The following SLC25A3 variants were observed in gnomAD, a reference collection of about 807,000 sequenced individuals.
SLC25A3 encodes solute carrier family 25 member 3.
Under a neutral mutation model 37.1 loss-of-function variants are expected in SLC25A3, and 14 were observed. That is an observed-to-expected ratio of 0.38 (90% CI 0.25 to 0.59). SLC25A3 has a LOEUF of 0.59. Among genes scored for constraint, SLC25A3 ranks in the 20% least tolerant of loss-of-function variants. SLC25A3 has a pLI of 0.67. For synonymous variants in SLC25A3, 161 were observed against 168.7 expected (o/e 0.95, Z 0.36); for missense variants, 385 against 458.1 (o/e 0.84, Z 1.46).
chr12:98,601,531 A>AGT lies in SLC25A3; in HGVS notation c.*4_*5insTG. The AGT allele has an allele frequency of 1.9e-6, 3 of 1,583,734 alleles. No homozygotes were observed. The highest frequency in any genetic ancestry group is 2.6e-6 in the Non-Finnish European group (3 of 1,152,266). ...AGAAGCTTGGGTTAACTCAGTAGTTAGATCAAAGCAAATGTGGACTGAATC... is the reference window on the plus strand; with the variant it reads ...AGAAGCTTGGGTTAACTCAGTAGTTAGTGATCAAAGCAAATGTGGACTGAATC... On this transcript the variant is annotated 3_prime_UTR_variant, in exon 8 of 8. Coordinates refer to ENST00000552981, the MANE Select transcript of SLC25A3 (RefSeq NM_002635.4).
chr12:98,597,766 T>C, intron 3 of SLC25A3, 90 bp from the exon 4 acceptor site: 1 of 1,543,928 alleles, frequency 6.5e-7, no homozygotes, highest in Non-Finnish European at 8.8e-7. Flanking sequence ...TGAAATTTAT[T>C]ATGGAACCCA....
In SLC25A3 at chr12:98,606,229, T is replaced by C. The variant is rs1404496676; in HGVS notation, c.*4701T>C. The C allele has an allele frequency of 2.6e-5, 4 of 152,206 alleles. No individual in the cohort carries two copies. Among genetic ancestry groups the C allele is most frequent in the Non-Finnish European group, 5.9e-5 (4 of 68,040 alleles). The allele number at this position is 152,206 out of a possible 1,614,324, so 9.4% of individuals were successfully genotyped here. ...ATCACATAGTTGAGAAACAAAGTTA[T>C]TTTAAACTTACAGGACTCTGTAGTT... is the stretch of plus-strand genomic sequence containing the variant. On this transcript the variant is annotated 3_prime_UTR_variant, in exon 8 of 8. Coordinates refer to ENST00000552981, the MANE Select transcript of SLC25A3 (RefSeq NM_002635.4).
In SLC25A3 at chr12:98,595,744, G is replaced by T; in HGVS notation, c.175G>T (p.Gly59Cys). The stretch of plus-strand genomic sequence containing the variant: ...TACTACAGAGTACAGTTGTGAATTT[G>T]GCTCCGCGAAGTATTATGCACTGTG... ...AAVEEYSCEF[G>C]SAKYYALCGF... The change falls in exon 3 of 8, where the codon GGC (glycine) becomes TGC (cysteine). Residue 59 changes from glycine (G) to cysteine (C), a missense_variant. Gly to Cys is a radical substitution (Grantham distance 159, BLOSUM62 -3). Coordinates refer to ENST00000552981, the MANE Select transcript of SLC25A3 (RefSeq NM_002635.4). 1 of 1,614,096 alleles carries T rather than the reference G, an allele frequency of 6.2e-7. No individual in the cohort carries two copies. The highest frequency in any genetic ancestry group is 2.2e-5 in the East Asian group (1 of 44,886).
rs566119482 is a variant in SLC25A3, at chr12:98,593,862, C to G, written c.-4-113C>G. ...AGCCTCTTTCGAAGGCCGCCGTGAC[C>G]TCTTCAAGGGCGTGGAGACGGGAAG... On this transcript the variant is annotated intron_variant, in intron 1 of 7. Transcript: ENST00000552981. 1.0e-4 allele frequency: 124 copies of G among 1,241,064 alleles called. 3 individuals carry two copies. In the South Asian group the frequency reaches 1.5e-3, roughly 15 times the overall value. The allele number at this position is 1,241,064 out of a possible 1,614,324, so 76.9% of individuals were successfully genotyped here.
At chr12:98,599,871 G>A (rs748332641) in intron 5 of SLC25A3, 84 bp from the exon 6 acceptor site, 29 of 1,430,744 alleles carry the variant, frequency 2.0e-5, no homozygotes, top group South Asian at 3.4e-5. Flanking sequence ...GACTCGACTC[G>A]TGTGCGGACA....
At position 98,597,898 on chromosome 12, in the gene SLC25A3, G is replaced by T; in HGVS notation, c.322G>T (p.Val108Phe). The T allele has an allele frequency of 6.2e-7, 1 of 1,614,050 alleles. No individual in the cohort carries two copies. The highest frequency in any genetic ancestry group is 8.5e-7 in the Non-Finnish European group (1 of 1,180,020). ...CAAGGGCATATTTAACGGATTCTCAGTTACACTTAAAGAGGATGGTGTTCG... is the reference window on the plus strand; with the variant it reads ...CAAGGGCATATTTAACGGATTCTCATTTACACTTAAAGAGGATGGTGTTCG... ...KYKGIFNGFSVTLKEDGVRGL... is the reference protein window; with the variant it reads ...KYKGIFNGFSFTLKEDGVRGL... Residue 108 changes from valine to phenylalanine, a missense_variant, in exon 4 of 8, where the codon GTT becomes TTT. By Grantham distance (50) the Val-to-Phe change is conservative. Transcript: ENST00000552981.
At chr12:98,594,967 A>G (rs1401033136) in intron 2 of SLC25A3, 1 of 195,352 alleles carries the variant, frequency 5.1e-6, no homozygotes, top group Non-Finnish European at 1.1e-5. Flanking sequence ...TTATTTGTGT[A>G]TTAAATGTAT....
intron 3 of SLC25A3, chr12:98,597,416 C>CTT (rs1160705083): frequency 8.5e-5 from 13 of 152,228 alleles, no homozygotes; most frequent in Non-Finnish European, 8.6e-5. Flanking sequence ...TACTGTATTT[C>CTT]TTTTTTTTTT....
rs754233261 is a variant in SLC25A3, at chr12:98,605,273, G to A, written c.*3745G>A. 6.6e-6 allele frequency: 1 copy of A among 152,090 alleles called. No individual in the cohort carries two copies. Among genetic ancestry groups the A allele is most frequent in the African/African-American group, 2.4e-5 (1 of 41,366 alleles). The allele number at this position is 152,090 out of a possible 1,614,324, so 9.4% of individuals were successfully genotyped here. ...GAAAATACAAAAATTAAGGGGTGTG[G>A]TGACACATGCCTGTAGTCTCAACTA... On this transcript the variant is annotated 3_prime_UTR_variant, in exon 8 of 8. Coordinates refer to ENST00000552981, the MANE Select transcript of SLC25A3 (RefSeq NM_002635.4).
chr12:98,595,313 T>A, intron 2 of SLC25A3: 1 of 1,085,684 alleles, frequency 9.2e-7, no homozygotes, highest in Non-Finnish European at 1.4e-6. Context: ...CACTTAATTG[T>A]GGCCAAAGCT....
rs531425336 is a variant in SLC25A3 at position 98,598,533 on chromosome 12, T to C, written c.471T>C (p.Tyr157=). 1,053 of 1,612,718 alleles carry C rather than the reference T, an allele frequency of 6.5e-4. 13 individuals carry two copies. The South Asian group carries it at 0.01, about 15-fold the overall frequency. The change falls in exon 5 of 8, where the codon TAT becomes TAC. Residue 157 remains tyrosine (Y), a synonymous_variant. Coordinates refer to ENST00000552981, the MANE Select transcript of SLC25A3 (RefSeq NM_002635.4). ...GTTTTGGATTTTAGGAGAATACTTA[T>C]CTCTGGCGCACATCACTATATTTGG... ...YSNMLGEENT[Y]LWRTSLYLAA...
At position 98,594,112 on chromosome 12, in the gene SLC25A3, A is replaced by G. The variant is rs140436387; in HGVS notation, c.134A>G (p.Asn45Ser). The change falls in exon 2 of 8, where the codon AAC becomes AGC. Residue 45 changes from asparagine to serine, a missense_variant. Coordinates refer to ENST00000552981, the MANE Select transcript of SLC25A3 (RefSeq NM_002635.4). ...GPTGQPRRPR[N>S]LAAAAVEEYS... ...ACGGGCCAGCCCCGCCGCCCTCGCAACCTGGCAGCCGCCGCCGTGGAAGGT... is the reference window on the plus strand; with the variant it reads ...ACGGGCCAGCCCCGCCGCCCTCGCAGCCTGGCAGCCGCCGCCGTGGAAGGT... 24 of 1,611,336 alleles carry G rather than the reference A, an allele frequency of 1.5e-5. No individual in the cohort carries two copies. The highest frequency in any genetic ancestry group is 1.3e-4 in the African/African-American group (10 of 74,872).
At chr12:98,594,980 G>A (rs1339458427) in intron 2 of SLC25A3, 2 of 197,664 alleles carry the variant, frequency 1.0e-5, no homozygotes, top group Non-Finnish European at 2.1e-5. Flanking sequence ...AAATGTATTT[G>A]ACTGCAGGAA....
In SLC25A3 at chr12:98,594,501, T is replaced by G. The variant is rs181285011; in HGVS notation, c.157+366T>G. 2.6e-4 allele frequency: 159 copies of G among 605,578 alleles called. 1 individual carries two copies. In the African/African-American group the frequency reaches 2.7e-3, roughly 10 times the overall value. The allele number at this position is 605,578 out of a possible 1,614,324, so 37.5% of individuals were successfully genotyped here. Reference sequence around the variant, plus strand: ...CCACCCACAGTTCTACTAACTATATTACCTGTCCTTTGATTTGCCCTTAGT... The same window carrying G: ...CCACCCACAGTTCTACTAACTATATGACCTGTCCTTTGATTTGCCCTTAGT... On this transcript the variant is annotated intron_variant, in intron 2 of 7. Transcript: ENST00000552981.
In SLC25A3 at chr12:98,604,268, A is replaced by AAC. The variant is rs2153289699; in HGVS notation, c.*2740_*2741insAC. The AAC allele has an allele frequency of 8.9e-6, 1 of 111,738 alleles. No individual in the cohort carries two copies. The highest frequency in any genetic ancestry group is 1.9e-5 in the Non-Finnish European group (1 of 51,922). The allele number at this position is 111,738 out of a possible 1,614,324, so 6.9% of individuals were successfully genotyped here. ...ACTCTGTCTCAAAAAAAAAAAATATATATATATATATATATATATGAAGCT... is the reference window on the plus strand; with the variant it reads ...ACTCTGTCTCAAAAAAAAAAAATATAACTATATATATATATATATATGAAGCT... On this transcript the variant is annotated 3_prime_UTR_variant, in exon 8 of 8. Coordinates refer to ENST00000552981, the MANE Select transcript of SLC25A3 (RefSeq NM_002635.4).
In SLC25A3 at chr12:98,603,026, G is replaced by A. The variant is rs900674360; in HGVS notation, c.*1498G>A. The A allele has an allele frequency of 6.6e-6, 1 of 152,196 alleles. No individual in the cohort carries two copies. The highest frequency in any genetic ancestry group is 1.5e-5 in the Non-Finnish European group (1 of 68,032). The allele number at this position is 152,196 out of a possible 1,614,324, so 9.4% of individuals were successfully genotyped here. A position where few individuals can be genotyped will look rare whatever the true frequency, so the allele number is the denominator to read the frequency against. ...CTGCAGGAAAAAAGGAAAAGTTGTA[G>A]GTACAAATTTGGACCAAACTTTAAA... On this transcript the variant is annotated 3_prime_UTR_variant, in exon 8 of 8. Transcript: ENST00000552981.
rs373087005 is a variant in SLC25A3 at position 98,594,030 on chromosome 12, C to T, written c.52C>T (p.His18Tyr). ...GCGGGCGAACCCCTTCAACACGCCA[C>T]ATCTGCAGCTGGTGCACGATGGTCT... ...LARANPFNTP[H>Y]LQLVHDGLGD... is the part of the protein sequence containing the mutation. The change falls in exon 2 of 8, where the codon CAT becomes TAT. Residue 18 changes from histidine to tyrosine, a missense_variant. By Grantham distance (83) the His-to-Tyr change is moderately conservative. Transcript: ENST00000552981. The T allele has an allele frequency of 3.0e-5, 49 of 1,613,618 alleles. No individual in the cohort carries two copies. The African/African-American group carries it at 5.9e-4, about 19-fold the overall frequency.
Position 98,601,608 on chromosome 12 carries a change from A to G in SLC25A3, c.*80A>G. 1 of 915,852 alleles carries G rather than the reference A, an allele frequency of 1.1e-6. No homozygotes were observed. Among genetic ancestry groups the G allele is most frequent in the East Asian group, 2.5e-5 (1 of 40,646 alleles). 56.7% of individuals were successfully genotyped at this position (915,852 alleles called of 1,614,324 possible). A position where few individuals can be genotyped will look rare whatever the true frequency, so the allele number is the denominator to read the frequency against. ...TGCAAAAGGAACTTTTATATATTTGACAGTGTAGGAAATTGTCTATTCCTG... is the reference window on the plus strand; with the variant it reads ...TGCAAAAGGAACTTTTATATATTTGGCAGTGTAGGAAATTGTCTATTCCTG... On this transcript the variant is annotated 3_prime_UTR_variant, in exon 8 of 8. Transcript: ENST00000552981.
rs11109542 is a variant in SLC25A3 at position 98,604,025 on chromosome 12, G to A, written c.*2497G>A. The A allele has an allele frequency of 0.066, 10,097 of 151,996 alleles. 471 individuals are homozygous for A. The highest frequency in any genetic ancestry group is 0.21 in the East Asian group (1,073 of 5,164). The allele number at this position is 151,996 out of a possible 1,614,324, so 9.4% of individuals were successfully genotyped here. A position where few individuals can be genotyped will look rare whatever the true frequency, so the allele number is the denominator to read the frequency against. On this transcript the variant is annotated 3_prime_UTR_variant, in exon 8 of 8. Transcript: ENST00000552981. ...ACCCAGCATTCTGGGAGGCCGAGGC[G>A]GGTGGATCACCTGAGGTCGGGAGTT...
Sources: allele counts gnomAD v4.1 joint callset, GRCh38; gene constraint gnomAD v4.1.1; transcripts MANE v1.5; gene names NCBI Gene and HGNC (gene_info 2026-07-23, HGNC 2026-07-21).